The following ELMO1 variants were observed in gnomAD, a reference collection of about 807,000 sequenced individuals.
ELMO1 encodes engulfment and cell motility protein 1.
A neutral mutation model predicts 98.9 loss-of-function variants in ELMO1; 26 were observed. That is an observed-to-expected ratio of 0.26 (90% CI 0.19 to 0.36). The LOEUF is 0.36. ELMO1 is among the 10% of genes least tolerant of loss of function. The probability of loss-of-function intolerance (pLI) is 1.00; values close to 1 mark genes in which losing one functional copy is unlikely to be tolerated. For synonymous variants in ELMO1, 346 were observed against 346.0 expected (o/e 1.00, Z 0.00); for missense variants, 627 against 935.2 (o/e 0.67, Z 4.30).
chr7:36,976,246 C>A (rs1314061287), intron 16 of ELMO1, among the ~76,000 whole-genome samples: 1 of 152,194 alleles, frequency 6.6e-6, no homozygotes, highest in African/African-American at 2.4e-5. Context: ...CATTTTACTT[C>A]CCATTTTCCC....
intron 1 of ELMO1, among the ~76,000 whole-genome samples, chr7:37,420,717 T>C (rs9918555): frequency 0.38 from 57,084 of 152,058 alleles, 11,277 homozygotes; most frequent in East Asian, 0.59. Flanking sequence ...GGAGAATGCA[T>C]TTTAAAGTGA....
At chr7:37,400,059 C>G (rs1803458548) in intron 1 of ELMO1, among the ~76,000 whole-genome samples, 1 of 152,168 alleles carries the variant, frequency 6.6e-6, no homozygotes, top group African/African-American at 2.4e-5. Flanking sequence ...CTGACACTTC[C>G]TAGCTATTTA....
intron 14 of ELMO1, among the ~76,000 whole-genome samples, chr7:37,099,919 G>A (rs993218702): frequency 6.7e-6 from 1 of 150,086 alleles, no homozygotes; most frequent in African/African-American, 2.5e-5. Context: ...TGCAACCTCC[G>A]CCCCGCCAAG....
intron 16 of ELMO1, among the ~76,000 whole-genome samples, chr7:36,926,234 A>G (rs565398699): frequency 2.0e-5 from 3 of 152,356 alleles, no homozygotes; most frequent in South Asian, 4.1e-4. Context: ...ACTCTGCTTC[A>G]TAAGTCTCAG....
intron 17 of ELMO1, among the ~76,000 whole-genome samples, chr7:36,890,454 C>T (rs576376973): frequency 5.9e-5 from 9 of 152,168 alleles, no homozygotes; most frequent in Non-Finnish European, 1.3e-4. Context: ...TTGGACGTCT[C>T]GTAGCTTCAC....
chr7:37,174,936 C>T (rs952994235), intron 13 of ELMO1, among the ~76,000 whole-genome samples: 1 of 152,064 alleles, frequency 6.6e-6, no homozygotes, highest in African/African-American at 2.4e-5. Context: ...CATAAAGCGA[C>T]ATTTTCTTAG....
intron 16 of ELMO1, among the ~76,000 whole-genome samples, chr7:36,946,715 C>G (rs2129100619): frequency 6.6e-6 from 1 of 152,294 alleles, no homozygotes; most frequent in South Asian, 2.1e-4. Context: ...CCTCTTCAGT[C>G]TTTTGGGAGT....
chr7:37,188,501 A>ATAAAT (rs1554438184), intron 13 of ELMO1, among the ~76,000 whole-genome samples: 1 of 125,960 alleles, frequency 7.9e-6, no homozygotes, highest in African/African-American at 3.0e-5. Flanking sequence ...AAAAAAAAAA[A>ATAAAT]AATAATAATA....
chr7:37,043,001 A>G (rs1795607222), intron 15 of ELMO1, among the ~76,000 whole-genome samples: 1 of 152,224 alleles, frequency 6.6e-6, no homozygotes, highest in Non-Finnish European at 1.5e-5. Context: ...TGAGCTGTAT[A>G]TGTAGTTCAT....
At chr7:36,990,624 A>G (rs900125833) in intron 16 of ELMO1, among the ~76,000 whole-genome samples, 3 of 152,126 alleles carry the variant, frequency 2.0e-5, no homozygotes, top group African/African-American at 7.2e-5. Flanking sequence ...AGGCACTGTC[A>G]GTACCATTTA....
intron 1 of ELMO1, among the ~76,000 whole-genome samples, chr7:37,395,392 G>C (rs1168453872): frequency 6.0e-5 from 8 of 133,822 alleles, no homozygotes; most frequent in African/African-American, 1.7e-4. Context: ...AAAAAAAAGA[G>C]TTGTTCATCC....
chr7:37,094,666 A>G (rs1784282957), intron 15 of ELMO1, among the ~76,000 whole-genome samples: 1 of 152,066 alleles, frequency 6.6e-6, no homozygotes, highest in Non-Finnish European at 1.5e-5. Context: ...CTTCCAAACT[A>G]TTCCCCCCAG....
chr7:37,189,624 G>A (rs535566570), intron 13 of ELMO1, among the ~76,000 whole-genome samples: 18 of 152,272 alleles, frequency 1.2e-4, no homozygotes, highest in African/African-American at 3.4e-4. Flanking sequence ...AACTCTCTCC[G>A]TGAAATCAGA....
At chr7:36,911,772 T>C (rs1784361050) in intron 16 of ELMO1, among the ~76,000 whole-genome samples, 1 of 152,208 alleles carries the variant, frequency 6.6e-6, no homozygotes, top group Non-Finnish European at 1.5e-5. Context: ...CTCTCCTTTC[T>C]CAAGAGCCCA....
chr7:37,327,942 T>C (rs1799904158), intron 2 of ELMO1, among the ~76,000 whole-genome samples: 1 of 152,222 alleles, frequency 6.6e-6, no homozygotes, highest in Non-Finnish European at 1.5e-5. Context: ...TGTCTTCTTT[T>C]ACTGTCATCA....
chr7:37,305,799 G>A (rs1798584404), intron 4 of ELMO1, among the ~76,000 whole-genome samples: 2 of 152,184 alleles, frequency 1.3e-5, no homozygotes, highest in Admixed American at 6.5e-5. Flanking sequence ...GTTTTTGATT[G>A]TAAAGTACTT....
chr7:36,901,311 A>T (rs1806489315), intron 16 of ELMO1, among the ~76,000 whole-genome samples: 1 of 152,208 alleles, frequency 6.6e-6, no homozygotes, highest in Admixed American at 6.5e-5. Context: ...GGGCTGAAGG[A>T]GTAGCAGTTG....
intron 16 of ELMO1, among the ~76,000 whole-genome samples, chr7:36,953,865 G>C (rs937145789): frequency 4.4e-5 from 6 of 136,722 alleles, no homozygotes; most frequent in African/African-American, 2.0e-4. Context: ...GTGTGTGTGT[G>C]TGTGTGTGTG....
intron 4 of ELMO1, among the ~76,000 whole-genome samples, chr7:37,310,123 A>G (rs1798818000): frequency 6.6e-6 from 1 of 152,194 alleles, no homozygotes; most frequent in South Asian, 2.1e-4. Flanking sequence ...TTCCTTACCA[A>G]AGGTGCCTGG....
Sources: gnomAD v4.1 joint callset for allele counts (sites outside exome capture counted in the v4.1 genomes callset) on GRCh38, gnomAD v4.1.1 for gene constraint, MANE v1.5 for transcripts, NCBI Gene and HGNC (gene_info 2026-07-23, HGNC 2026-07-21) for gene names.